Variants in FCGR1A observed in about 807,000 individuals in gnomAD.
FCGR1A encodes high affinity immunoglobulin gamma Fc receptor I.
In FCGR1A, 13 loss-of-function variants were observed where a neutral mutation model predicts 35.0. That is an observed-to-expected ratio of 0.37 (90% CI 0.24 to 0.59). FCGR1A has a LOEUF of 0.59. Ranked by LOEUF, FCGR1A falls within the 20% of genes least tolerant of loss-of-function variation. The probability of loss-of-function intolerance (pLI) is 0.71; values close to 1 mark genes in which losing one functional copy is unlikely to be tolerated. For missense variants in FCGR1A, 227 were observed against 430.0 expected, an observed-to-expected ratio of 0.53 and a Z score of 4.17; for synonymous variants, 91 against 164.7, an observed-to-expected ratio of 0.55 and a Z score of 3.43.
chr1:149,785,262 C>T (rs1484831647), intron 3 of FCGR1A, among the ~76,000 whole-genome samples: 6 of 152,040 alleles, frequency 3.9e-5, no homozygotes, highest in African/African-American at 1.4e-4. Context: ...TTTATGCAGA[C>T]ATGGTTGCTG....
chr1:149,788,408 G>A lies in FCGR1A; in HGVS notation c.350G>A (p.Gly117Glu). ...GTCTCCAGCAGAGTCTTCACGGAAG[G>A]AGAACCTCTGGCCTTGAGGTGTCAT... ...LQVSSRVFTE[G>E]EPLALRCHAW... The change falls in exon 4 of 6, where the codon GGA becomes GAA. Residue 117 changes from glycine to glutamate, a missense_variant. By Grantham distance (98) the Gly-to-Glu change is moderately conservative (BLOSUM62 -2). Coordinates refer to ENST00000369168, the MANE Select transcript of FCGR1A (RefSeq NM_000566.4). 1.2e-6 allele frequency: 2 copies of A among 1,613,608 alleles called. No homozygotes were observed. The highest frequency in any genetic ancestry group is 1.7e-4 in the Middle Eastern group (1 of 5,794).
Position 149,784,131 on chromosome 1 carries a change from A to G in FCGR1A, c.181A>G (p.Thr61Ala). 2 of 1,611,782 alleles carry G rather than the reference A, an allele frequency of 1.2e-6. No individual in the cohort carries two copies. The highest frequency in any genetic ancestry group is 3.3e-5 in the Admixed American group (2 of 59,996). ...CTCTACACAGTGGTTTCTCAATGGC[A>G]CAGCCACTCAGACCTCGACCCCCAG... Reference protein sequence around the residue: ...SSSTQWFLNGTATQTSTPSYR... With the variant: ...SSSTQWFLNGAATQTSTPSYR... The change falls in exon 3 of 6, where the codon ACA becomes GCA. Residue 61 changes from threonine to alanine, a missense_variant. Thr to Ala is a moderately conservative substitution (Grantham distance 58, BLOSUM62 0). Around this residue, in one of 3 missense-constraint regions of FCGR1A, gnomAD observed 185 missense variants for 306.6 expected, o/e 0.60. Coordinates refer to ENST00000369168, the MANE Select transcript of FCGR1A (RefSeq NM_000566.4).
chr1:149,786,344 A>G (rs2091549595), intron 3 of FCGR1A: 1 of 151,974 alleles, frequency 6.6e-6, no homozygotes, highest in Non-Finnish European at 1.5e-5. Context: ...GTCCTTTTTC[A>G]AGTGTCTTAA....
intron 4 of FCGR1A, among the ~76,000 whole-genome samples, chr1:149,789,847 C>A (rs1206686457): frequency 6.6e-6 from 1 of 152,144 alleles, no homozygotes; most frequent in Non-Finnish European, 1.5e-5. Flanking sequence ...ATAGAGGTAT[C>A]CTCAGTAGGA....
chr1:149,785,380 A>G (rs2091513537), intron 3 of FCGR1A, among the ~76,000 whole-genome samples: 3 of 126,664 alleles, frequency 2.4e-5, no homozygotes, highest in African/African-American at 3.0e-5. Context: ...TAGGATGGAG[A>G]GGTTAGGGAA....
rs587761873 is a variant in FCGR1A, at chr1:149,790,138, A to T, written c.644A>T (p.Lys215Met). 1.3e-5 allele frequency: 21 copies of T among 1,613,914 alleles called. No homozygotes were observed. In the Admixed American group the frequency reaches 3.0e-4, roughly 23 times the overall value. The change falls in exon 5 of 6, where the codon AAG becomes ATG. Residue 215 changes from lysine to methionine, a missense_variant. Lys to Met is a moderately conservative substitution (Grantham distance 95). Coordinates refer to ENST00000369168, the MANE Select transcript of FCGR1A (RefSeq NM_000566.4). ...GNLVTLSCET[K>M]LLLQRPGLQL... The stretch of plus-strand genomic sequence containing the variant: ...CTGGTCACCCTGAGCTGTGAAACAA[A>T]GTTGCTCTTGCAGAGGCCTGGTTTG...
chr1:149,789,573 C>T (rs868965669), intron 4 of FCGR1A, among the ~76,000 whole-genome samples: 1 of 152,108 alleles, frequency 6.6e-6, no homozygotes, highest in Non-Finnish European at 1.5e-5. Context: ...CTTACTGGTC[C>T]GTGGCCTGTT....
chr1:149,785,809 C>T (rs1553750783), intron 3 of FCGR1A: 1 of 152,040 alleles, frequency 6.6e-6, no homozygotes, highest in Admixed American at 6.6e-5. Flanking sequence ...CTCCTTCTTG[C>T]CCATTTCTAG....
chr1:149,789,077 C>G (rs1203122968), intron 4 of FCGR1A, among the ~76,000 whole-genome samples: 1 of 151,764 alleles, frequency 6.6e-6, no homozygotes, highest in Non-Finnish European at 1.5e-5. Flanking sequence ...TCCTGAGCAT[C>G]TGCAGGCTAA....
the FCGR1A span, among the ~76,000 whole-genome samples, chr1:149,798,724 G>C: frequency 6.6e-6 from 1 of 152,034 alleles, no homozygotes; most frequent in East Asian, 1.9e-4. Context: ...CAATCCTCCT[G>C]CTTCAGCCTC....
the FCGR1A span, among the ~76,000 whole-genome samples, chr1:149,797,526 A>T: frequency 1.3e-5 from 2 of 152,106 alleles, no homozygotes; most frequent in Non-Finnish European, 2.9e-5. Flanking sequence ...GGAAGGTATG[A>T]TCTGTTTCAT....
At chr1:149,797,430 A>T in the FCGR1A span, among the ~76,000 whole-genome samples, 1 of 152,146 alleles carries the variant, frequency 6.6e-6, no homozygotes, top group Non-Finnish European at 1.5e-5. Flanking sequence ...TGCTTTTTCA[A>T]TAGTAAGTTT....
downstream of FCGR1A, chr1:149,793,129 G>A: frequency 3.9e-6 from 5 of 1,274,014 alleles, no homozygotes; most frequent in East Asian, 6.5e-5. Flanking sequence ...AGGTGCGCCC[G>A]GCCGAGCCTC....
Position 149,790,677 on chromosome 1 carries a change from T to C in FCGR1A, c.844+339T>C, listed in dbSNP as rs1443234147. Among the ~76,000 whole-genome samples, 7 of 148,092 alleles carry C rather than the reference T, an allele frequency of 4.7e-5. No homozygotes were observed. The East Asian group carries it at 1.4e-3, about 30-fold the overall frequency. The stretch of plus-strand genomic sequence containing the variant: ...CATGACCCCCCCTTCTCTCTCTCTC[T>C]CTCCCTGCTTCCCTGCCTCCCTCCT... On this transcript the variant is annotated intron_variant, in intron 5 of 5. Coordinates refer to ENST00000369168, the MANE Select transcript of FCGR1A (RefSeq NM_000566.4).
At chr1:149,796,998 C>T in the FCGR1A span, among the ~76,000 whole-genome samples, 1 of 152,186 alleles carries the variant, frequency 6.6e-6, no homozygotes, top group Non-Finnish European at 1.5e-5. Flanking sequence ...CTGCAACCTC[C>T]ATCTCCCAGG....
chr1:149,788,627 T>C lies in FCGR1A; in HGVS notation c.559+10T>C. 1 of 1,613,968 alleles carries C rather than the reference T, an allele frequency of 6.2e-7. No individual in the cohort carries two copies. The highest frequency in any genetic ancestry group is 8.5e-7 in the Non-Finnish European group (1 of 1,179,874). ...TCTGTCACTGTGAAAGGTATTGTAT[T>C]GGAATAGTCATAGAACTGATAGTCC... On this transcript the variant is annotated intron_variant, in intron 4 of 5. Coordinates refer to ENST00000369168, the MANE Select transcript of FCGR1A (RefSeq NM_000566.4).
chr1:149,789,146 C>T (rs587748378), intron 4 of FCGR1A, among the ~76,000 whole-genome samples: 1 of 151,378 alleles, frequency 6.6e-6, no homozygotes, highest in East Asian at 1.9e-4. Flanking sequence ...AATACAATCA[C>T]TAGCAACCTT....
intron 3 of FCGR1A, among the ~76,000 whole-genome samples, chr1:149,785,416 T>G (rs1439275609): frequency 7.5e-6 from 1 of 132,750 alleles, no homozygotes; most frequent in African/African-American, 2.8e-5. Context: ...TCGTTTTTTT[T>G]TTTTTTTTTT....
chr1:149,785,557 G>T (rs1244713936), intron 3 of FCGR1A: 1 of 151,454 alleles, frequency 6.6e-6, no homozygotes, highest in Non-Finnish European at 1.5e-5. Flanking sequence ...GTGTTTCATG[G>T]TTCAAGTGAC....
Sources: allele counts gnomAD v4.1 joint callset (sites outside exome capture counted in the v4.1 genomes callset), GRCh38; gene constraint gnomAD v4.1.1; regional missense constraint gnomAD v4.1.1; transcripts MANE v1.5; gene names NCBI Gene and HGNC (gene_info 2026-07-23, HGNC 2026-07-21).